Variants in CHL1 observed in about 807,000 individuals in gnomAD.
CHL1 encodes cell adhesion molecule L1 like, also known as neural cell adhesion molecule L1-like protein.
A neutral mutation model predicts 141.9 loss-of-function variants in CHL1; 96 were observed. That is an observed-to-expected ratio of 0.68 (90% confidence interval 0.57 to 0.80). The LOEUF (loss-of-function observed/expected upper bound fraction) is 0.80, where lower values mean the gene tolerates loss of function less well. Ranked by LOEUF, CHL1 falls within the 30% of genes least tolerant of loss-of-function variation. The pLI, the probability that CHL1 is intolerant of heterozygous loss-of-function variation, is 0.00. For synonymous variants in CHL1, 613 were observed against 502.2 expected, an observed-to-expected ratio of 1.22 and a Z score of -2.95; for missense variants, 1,820 against 1,457.2, an observed-to-expected ratio of 1.25 and a Z score of -4.05.
At chr3:263,750 C>T (rs539675967) in intron 2 of CHL1, among the ~76,000 whole-genome samples, 1 of 152,232 alleles carries the variant, frequency 6.6e-6, no homozygotes, top group African/African-American at 2.4e-5. Context: ...TATAGCTCTT[C>T]GAACTCAGAG....
intron 24 of CHL1, among the ~76,000 whole-genome samples, chr3:395,360 G>A (rs866728537): frequency 1.3e-5 from 2 of 152,134 alleles, no homozygotes; most frequent in African/African-American, 2.4e-5. Flanking sequence ...CCAAGCAACT[G>A]TCTGGGAAAT....
At chr3:310,747 C>T (rs917057639) in intron 2 of CHL1, among the ~76,000 whole-genome samples, 5 of 152,142 alleles carry the variant, frequency 3.3e-5, no homozygotes, top group Non-Finnish European at 7.3e-5. Context: ...CAATAACGCC[C>T]CAAATCTATA....
At chr3:362,547 G>A (rs6442794) in intron 13 of CHL1, among the ~76,000 whole-genome samples, 77,251 of 151,644 alleles carry the variant, frequency 0.51, 21,068 homozygotes, top group Admixed American at 0.67. Context: ...TTTGCATCTG[G>A]GGCAAGCCTC....
At chr3:282,236 A>G (rs916370470) in intron 2 of CHL1, among the ~76,000 whole-genome samples, 1 of 152,240 alleles carries the variant, frequency 6.6e-6, no homozygotes, top group Non-Finnish European at 1.5e-5. Context: ...ACTTAATAGT[A>G]TACAGAAACT....
intron 2 of CHL1, among the ~76,000 whole-genome samples, chr3:264,254 T>G (rs988214979): frequency 2.0e-4 from 30 of 152,014 alleles, no homozygotes; most frequent in African/African-American, 7.2e-4. Context: ...TAAATGATAT[T>G]GTTCATAACC....
At chr3:314,365 ATAT>A (rs1421448541) in intron 2 of CHL1, among the ~76,000 whole-genome samples, 13 of 121,162 alleles carry the variant, frequency 1.1e-4, no homozygotes, top group African/African-American at 3.8e-4. Flanking sequence ...ATATATATAT[ATAT>A]ATCTGCTTCA....
intron 2 of CHL1, among the ~76,000 whole-genome samples, chr3:313,716 C>T (rs1358619081): frequency 6.6e-6 from 1 of 152,110 alleles, no homozygotes; most frequent in Non-Finnish European, 1.5e-5. Flanking sequence ...TAGTCTTAAC[C>T]ATTTGTATGC....
rs765774043 is a variant in CHL1 at position 343,033 on chromosome 3, T to A, written c.727+2T>A. On this transcript the variant is annotated splice_donor_variant, in intron 8 of 27. Coordinates refer to ENST00000256509, the MANE Select transcript of CHL1 (RefSeq NM_006614.4). LOFTEE classifies it high-confidence loss of function. Reference sequence around the variant, plus strand: ...CATCCACAGAAATTGGTTCCAAGGGTAAGTTGAACCCATGTGGAGTGTTGG... The same window carrying A: ...CATCCACAGAAATTGGTTCCAAGGGAAAGTTGAACCCATGTGGAGTGTTGG... 2 of 1,606,640 alleles carry A rather than the reference T, an allele frequency of 1.2e-6. No individual in the cohort carries two copies. Among genetic ancestry groups the A allele is most frequent in the East Asian group, 4.5e-5 (2 of 44,540 alleles).
chr3:225,824 T>C (rs565575364), intron 1 of CHL1, among the ~76,000 whole-genome samples: 3 of 151,882 alleles, frequency 2.0e-5, no homozygotes, highest in African/African-American at 7.2e-5. Context: ...CCTGGCTAAC[T>C]CTGTGAAAAC....
intron 2 of CHL1, among the ~76,000 whole-genome samples, chr3:298,757 T>G (rs332479): frequency 1.3e-5 from 2 of 151,992 alleles, no homozygotes; most frequent in Non-Finnish European, 2.9e-5. Flanking sequence ...AGACCTATTA[T>G]TTGACCATAT....
chr3:332,641 A>C (rs940764217), intron 5 of CHL1, among the ~76,000 whole-genome samples: 1 of 152,200 alleles, frequency 6.6e-6, no homozygotes, highest in African/African-American at 2.4e-5. Flanking sequence ...TTTTAGAATC[A>C]GACCAGTGAC....
Position 233,951 on chromosome 3 carries a change from G to A in CHL1, c.-174-10662G>A, listed in dbSNP as rs145272802. On this transcript the variant is annotated intron_variant, in intron 1 of 27. Coordinates refer to ENST00000256509, the MANE Select transcript of CHL1 (RefSeq NM_006614.4). The stretch of plus-strand genomic sequence containing the variant: ...TAGATTTCTAGATCTGGGCATACTG[G>A]CCAAATGAACATAAAAATCTATGTT... 6.6e-5 allele frequency among the ~76,000 whole-genome samples: 10 copies of A among 151,912 alleles called. No individual in the cohort carries two copies. The East Asian group carries it at 1.7e-3, about 26-fold the overall frequency.
Position 349,534 on chromosome 3 carries a change from A to G in CHL1, c.1024A>G (p.Ile342Val), listed in dbSNP as rs1020866514. The G allele has an allele frequency of 6.2e-6, 10 of 1,612,946 alleles. No individual in the cohort carries two copies. Among genetic ancestry groups the G allele is most frequent in the Non-Finnish European group, 6.8e-6 (8 of 1,179,530 alleles). ...LGTATHDFHVIVEEPPRWTKK... is the reference protein window; with the variant it reads ...LGTATHDFHVVVEEPPRWTKK... ...AACAGCCACTCACGATTTTCACGTT[A>G]TAGTAGAAGGTACCTTTCCCATGTT... Residue 342 changes from isoleucine to valine, a missense_variant, in exon 10 of 28, where the codon ATA (isoleucine) becomes GTA (valine). Physicochemically the swap from Ile to Val is conservative, Grantham distance 29. Transcript: ENST00000256509.
At chr3:384,137 C>T (rs1053574393) in intron 19 of CHL1, among the ~76,000 whole-genome samples, 13 of 151,900 alleles carry the variant, frequency 8.6e-5, no homozygotes, top group Non-Finnish European at 1.3e-4. Context: ...AATACATTAC[C>T]GAAGTTTCAA....
intron 2 of CHL1, among the ~76,000 whole-genome samples, chr3:311,393 C>G (rs116581746): frequency 0.018 from 2,728 of 147,502 alleles, 80 homozygotes; most frequent in African/African-American, 0.065. Flanking sequence ...ACCCAGCATA[C>G]TATAGCATCA....
At chr3:318,335 A>G (rs1017402882) in intron 2 of CHL1, among the ~76,000 whole-genome samples, 6 of 151,936 alleles carry the variant, frequency 3.9e-5, no homozygotes, top group Non-Finnish European at 7.4e-5. Context: ...TAAAGACTTT[A>G]CTATCTCTGT....
chr3:240,098 G>C lies in CHL1; in HGVS notation c.-174-4515G>C, dbSNP rs59096860. Among the ~76,000 whole-genome samples the C allele has an allele frequency of 1.8e-3, 268 of 152,224 alleles. 1 individual carries two copies. Among genetic ancestry groups the C allele is most frequent in the African/African-American group, 6.1e-3 (254 of 41,548 alleles). On this transcript the variant is annotated intron_variant, in intron 1 of 27. Coordinates refer to ENST00000256509, the MANE Select transcript of CHL1 (RefSeq NM_006614.4). The stretch of plus-strand genomic sequence containing the variant: ...TCTGTGTAATGACTTCTTTTCCTCT[G>C]GGTAGATACCCAGTAGTGGGATTGC...
At chr3:371,626 G>T (rs189086464) in intron 15 of CHL1, among the ~76,000 whole-genome samples, 1 of 152,174 alleles carries the variant, frequency 6.6e-6, no homozygotes, top group Non-Finnish European at 1.5e-5. Flanking sequence ...GTATTGTTAT[G>T]TGTGAATTTG....
chr3:323,859 T>C (rs1481202265), intron 3 of CHL1, among the ~76,000 whole-genome samples: 1 of 152,064 alleles, frequency 6.6e-6, no homozygotes, highest in Non-Finnish European at 1.5e-5. Context: ...AGCAAGACCC[T>C]GACTCAAAGA....
Sources: gnomAD v4.1 joint callset for allele counts (sites outside exome capture counted in the v4.1 genomes callset) on GRCh38, gnomAD v4.1.1 for gene constraint, MANE v1.5 for transcripts, NCBI Gene and HGNC (gene_info 2026-07-23, HGNC 2026-07-21) for gene names.